Variants in REEP1 observed in about 807,000 individuals in gnomAD.
REEP1 encodes receptor expression-enhancing protein 1.
In REEP1, 22 loss-of-function variants were observed where a neutral mutation model predicts 40.3. The observed-to-expected ratio is 0.55, with a 90% CI of 0.39 to 0.78. The LOEUF is 0.78. REEP1 is among the 30% of genes least tolerant of loss of function. The pLI, the probability that REEP1 is intolerant of heterozygous loss-of-function variation, is 0.00. For synonymous variants in REEP1, 116 were observed against 139.2 expected, an observed-to-expected ratio of 0.83 and a Z score of 1.17; for missense variants, 280 against 361.1, an observed-to-expected ratio of 0.78 and a Z score of 1.82.
chr2:86,303,212 GTTTTTT>G (rs35002382), intron 1 of REEP1, among the ~76,000 whole-genome samples: 80 of 69,062 alleles, frequency 1.2e-3, no homozygotes, highest in African/African-American at 3.9e-3. Context: ...CCGGCTAATT[GTTTTTT>G]TTTTTTTTTT....
intron 1 of REEP1, among the ~76,000 whole-genome samples, chr2:86,300,929 A>G (rs928774070): frequency 6.6e-6 from 1 of 152,102 alleles, no homozygotes; most frequent in African/African-American, 2.4e-5. Flanking sequence ...CTGTGTACAA[A>G]GCCCTTCACG....
At chr2:86,247,392 C>T (rs998423493) in intron 5 of REEP1, among the ~76,000 whole-genome samples, 1 of 152,020 alleles carries the variant, frequency 6.6e-6, no homozygotes, top group African/African-American at 2.4e-5. Context: ...AGTTCTAAGA[C>T]AAAACAGTAA....
chr2:86,238,941 C>A (rs1675512758), intron 5 of REEP1, among the ~76,000 whole-genome samples: 1 of 152,152 alleles, frequency 6.6e-6, no homozygotes, highest in South Asian at 2.1e-4. Context: ...AGGGATGTAT[C>A]TGAATAGCGG....
chr2:86,329,855 G>C (rs949383061), intron 1 of REEP1, among the ~76,000 whole-genome samples: 24 of 152,310 alleles, frequency 1.6e-4, no homozygotes, highest in African/African-American at 5.5e-4. Flanking sequence ...GATGTGGTCT[G>C]TAAGGGGATA....
chr2:86,293,566 G>T lies in REEP1; in HGVS notation c.33-11324C>A, dbSNP rs533466675. The stretch of plus-strand genomic sequence containing the variant: ...GCTCACAAAACTATACAGTAAAAAG[G>T]GTGAATTTCACTGTGTGCAAATTAT... On this transcript the variant is annotated intron_variant, in intron 1 of 8. Transcript: ENST00000538924. Among the ~76,000 whole-genome samples, 45 of 152,226 alleles carry T rather than the reference G, an allele frequency of 3.0e-4. No individual in the cohort carries two copies. In the South Asian group the frequency reaches 8.3e-3, roughly 28 times the overall value.
chr2:86,232,724 C>T lies in REEP1; in HGVS notation c.496G>A (p.Ala166Thr). The T allele has an allele frequency of 6.2e-7, 1 of 1,609,588 alleles. No individual in the cohort carries two copies. ...CCCGGTGGTGGGGGGCCCGAGGGAGCAGGGGCGCCGTCTCCCCTGATGGTG... is the reference window on the plus strand; with the variant it reads ...CCCGGTGGTGGGGGGCCCGAGGGAGTAGGGGCGCCGTCTCCCCTGATGGTG... ...LTTIRGDGAPAPSGPPPPGSG... is the reference protein window; with the variant it reads ...LTTIRGDGAPTPSGPPPPGSG... The change falls in exon 6 of 9, where the codon GCT becomes ACT. Residue 166 changes from alanine (A) to threonine (T), a missense_variant. By Grantham distance (58) the Ala-to-Thr change is moderately conservative. Around this residue, in one of 3 missense-constraint regions of REEP1, gnomAD observed 201 missense variants for 238.5 expected, o/e 0.84. Coordinates refer to ENST00000538924, the MANE Select transcript of REEP1 (RefSeq NM_001371279.1).
intron 1 of REEP1, among the ~76,000 whole-genome samples, chr2:86,283,753 C>G (rs1020443408): frequency 2.6e-5 from 4 of 152,204 alleles, no homozygotes; most frequent in Admixed American, 2.6e-4. Flanking sequence ...ACTGCCTTGT[C>G]CAAGGGAACC....
At chr2:86,217,686 A>ATTTTTTTTTTTTTTTT (rs1674198637) in intron 8 of REEP1, among the ~76,000 whole-genome samples, 1 of 46,700 alleles carries the variant, frequency 2.1e-5, no homozygotes, top group African/African-American at 8.1e-5. Context: ...TTTTTTTTTC[A>ATTTTTTTTTTTTTTTT]GATTTTGGGA....
At chr2:86,228,633 T>C (rs1037049705) in intron 6 of REEP1, among the ~76,000 whole-genome samples, 3 of 152,056 alleles carry the variant, frequency 2.0e-5, no homozygotes, top group Admixed American at 6.6e-5. Flanking sequence ...TAATTTTGTA[T>C]TTTTAGTAGA....
At position 86,320,521 on chromosome 2, in the gene REEP1, G is replaced by C. The variant is rs182136132; in HGVS notation, c.32+16958C>G. Among the ~76,000 whole-genome samples the C allele has an allele frequency of 1.3e-3, 201 of 152,224 alleles. 2 individuals are homozygous for C. Among genetic ancestry groups the C allele is most frequent in the African/African-American group, 4.0e-3 (166 of 41,536 alleles). ...TTGATTGGGAGCCACCAGAAAAAAA[G>C]AGATCTAAATTGCCCCTGAAAAATA... On this transcript the variant is annotated intron_variant, in intron 1 of 8. Coordinates refer to ENST00000538924, the MANE Select transcript of REEP1 (RefSeq NM_001371279.1).
intron 1 of REEP1, among the ~76,000 whole-genome samples, chr2:86,334,402 G>T (rs1442454989): frequency 1.3e-5 from 2 of 152,080 alleles, no homozygotes; most frequent in Non-Finnish European, 2.9e-5. Flanking sequence ...GTGACTCGCG[G>T]ATAAAACCAT....
rs1280775083 is a variant in REEP1, at chr2:86,252,081, A to G, written c.304-11T>C. The stretch of plus-strand genomic sequence containing the variant: ...ACAATCATCGATTTCCTGTCAAAGG[A>G]AAAACAGAGGCACACTGAGCTGGAA... On this transcript the variant is annotated splice_polypyrimidine_tract_variant and intron_variant, in intron 4 of 8. Transcript: ENST00000538924. 1 of 1,572,058 alleles carries G rather than the reference A, an allele frequency of 6.4e-7. No homozygotes were observed. The highest frequency in any genetic ancestry group is 1.4e-5 in the African/African-American group (1 of 74,040).
intron 3 of REEP1, among the ~76,000 whole-genome samples, chr2:86,257,585 T>A (rs1005908865): frequency 3.3e-5 from 5 of 151,782 alleles, no homozygotes; most frequent in South Asian, 2.1e-4. Context: ...CAATCAACAG[T>A]ATGCCTTGGG....
chr2:86,249,340 G>A (rs890413799), intron 5 of REEP1, among the ~76,000 whole-genome samples: 13 of 151,718 alleles, frequency 8.6e-5, no homozygotes, highest in African/African-American at 3.1e-4. Context: ...AATAAACACC[G>A]GCCTCCCCCT....
At chr2:86,227,606 C>A (rs1476012842) in intron 6 of REEP1, among the ~76,000 whole-genome samples, 1 of 152,136 alleles carries the variant, frequency 6.6e-6, no homozygotes, top group African/African-American at 2.4e-5. Flanking sequence ...GATACCCTCA[C>A]CTGGCACACA....
At chr2:86,252,919 T>C (rs550050931) in intron 4 of REEP1, among the ~76,000 whole-genome samples, 1 of 152,342 alleles carries the variant, frequency 6.6e-6, no homozygotes, top group East Asian at 1.9e-4. Flanking sequence ...AGTTCAAATT[T>C]GGATTAACTT....
intron 3 of REEP1, 30 bp downstream of exon 3, chr2:86,263,935 T>C: frequency 6.4e-7 from 1 of 1,574,444 alleles, no homozygotes; most frequent in Non-Finnish European, 8.7e-7. Flanking sequence ...AAATTGTCCT[T>C]AGAAACATCC....
chr2:86,245,416 G>A (rs1250103665), intron 5 of REEP1, among the ~76,000 whole-genome samples: 1 of 152,176 alleles, frequency 6.6e-6, no homozygotes, highest in East Asian at 1.9e-4. Flanking sequence ...AGACGTGCAG[G>A]CTCCTGGTTA....
rs942106229 is a variant in REEP1 at position 86,239,207 on chromosome 2, C to T, written c.418-6405G>A. Among the ~76,000 whole-genome samples the T allele has an allele frequency of 1.1e-4, 3 of 26,230 alleles. No homozygotes were observed. In the South Asian group the frequency reaches 4.7e-3, roughly 41 times the overall value. 17.2% of individuals were successfully genotyped at this position (26,230 alleles called of 152,430 possible). ...ATGATGCTGACCAATGCCATCTAGA[C>T]CAAAAAAAAAAAAAAAAAAAAAAAA... On this transcript the variant is annotated intron_variant, in intron 5 of 8. Transcript: ENST00000538924.
Sources: gnomAD v4.1 joint callset for allele counts (sites outside exome capture counted in the v4.1 genomes callset) on GRCh38, gnomAD v4.1.1 for gene constraint, gnomAD v4.1.1 regional missense constraint, MANE v1.5 for transcripts, NCBI Gene and HGNC (gene_info 2026-07-23, HGNC 2026-07-21) for gene names.